The following THSD4 variants were observed in gnomAD, a reference collection of about 807,000 sequenced individuals.
THSD4 encodes thrombospondin type 1 domain containing 4, also known as thrombospondin type-1 domain-containing protein 4.
Under a neutral mutation model 119.0 loss-of-function variants are expected in THSD4, and 69 were observed. The observed-to-expected ratio is 0.58, with a 90% confidence interval of 0.48 to 0.71. THSD4 has a LOEUF of 0.71. Ranked by LOEUF, THSD4 falls within the 30% of genes least tolerant of loss-of-function variation. THSD4 has a pLI of 0.00. For synonymous variants in THSD4, 524 were observed against 540.4 expected (o/e 0.97, Z 0.42); for missense variants, 1,393 against 1,391.1 (o/e 1.00, Z -0.02).
intron 7 of THSD4, among the ~76,000 whole-genome samples, chr15:71,599,627 G>A (rs186249099): frequency 5.9e-5 from 9 of 152,308 alleles, no homozygotes; most frequent in African/African-American, 1.7e-4. Context: ...CATCAAGCCC[G>A]TGGTATGTGC....
At chr15:71,482,978 C>T (rs2047756843) in intron 7 of THSD4, among the ~76,000 whole-genome samples, 1 of 152,156 alleles carries the variant, frequency 6.6e-6, no homozygotes, top group Admixed American at 6.5e-5. Flanking sequence ...TTGGCCAGAA[C>T]CATTGCCATG....
In THSD4 at chr15:71,771,194, G is replaced by C; in HGVS notation, c.2900G>C (p.Cys967Ser). 6.2e-7 allele frequency: 1 copy of C among 1,613,758 alleles called. No individual in the cohort carries two copies. The highest frequency in any genetic ancestry group is 8.5e-7 in the Non-Finnish European group (1 of 1,179,926). The change falls in exon 17 of 18, where the codon TGT becomes TCT. Residue 967 changes from cysteine (C) to serine (S), a missense_variant. Coordinates refer to ENST00000261862, the MANE Select transcript of THSD4 (RefSeq NM_024817.3). ...EERESCNPQD[C>S]VPEVDENCKD... ...AGAGAATCTTGTAACCCTCAGGACT[G>C]TGTCCCTGAAGTTGGTAAGTAGAGA...
intron 7 of THSD4, among the ~76,000 whole-genome samples, chr15:71,451,253 G>C (rs1173477668): frequency 6.6e-6 from 1 of 152,168 alleles, no homozygotes; most frequent in Admixed American, 6.5e-5. Context: ...ACTGTATGGT[G>C]AATAAAGTAA....
chr15:71,734,631 G>A (rs546069055), intron 10 of THSD4, among the ~76,000 whole-genome samples: 11 of 152,158 alleles, frequency 7.2e-5, no homozygotes, highest in Middle Eastern at 3.4e-3. Flanking sequence ...GTGAACCCTC[G>A]TATGGACTAT....
intron 7 of THSD4, among the ~76,000 whole-genome samples, chr15:71,655,011 C>T (rs2051161668): frequency 6.6e-6 from 1 of 152,216 alleles, no homozygotes; most frequent in Non-Finnish European, 1.5e-5. Context: ...CAGGAAATTT[C>T]ATTCAGGTTA....
At chr15:71,136,086 G>T (rs540294975) in intron 1 of THSD4, among the ~76,000 whole-genome samples, 1 of 144,564 alleles carries the variant, frequency 6.9e-6, no homozygotes, top group African/African-American at 2.6e-5. Context: ...TTATCCAGGT[G>T]CTGGTTCCCT....
chr15:71,704,773 C>T (rs776293742), intron 8 of THSD4, among the ~76,000 whole-genome samples: 1 of 152,128 alleles, frequency 6.6e-6, no homozygotes, highest in Non-Finnish European at 1.5e-5. Context: ...TATGACAGAC[C>T]AGGGAGAAGC....
At chr15:71,256,187 G>C (rs2044314150) in intron 5 of THSD4, among the ~76,000 whole-genome samples, 1 of 152,050 alleles carries the variant, frequency 6.6e-6, no homozygotes, top group African/African-American at 2.4e-5. Context: ...TTTAAAGTTG[G>C]AAAGGGGCCC....
intron 4 of THSD4, among the ~76,000 whole-genome samples, chr15:71,240,628 C>T (rs1308501296): frequency 6.6e-6 from 1 of 152,126 alleles, no homozygotes; most frequent in Non-Finnish European, 1.5e-5. Context: ...CTAGGGTCTC[C>T]ATTCAGTACT....
intron 6 of THSD4, among the ~76,000 whole-genome samples, chr15:71,384,552 T>C (rs1170219791): frequency 1.3e-5 from 2 of 152,210 alleles, no homozygotes; most frequent in South Asian, 2.1e-4. Flanking sequence ...GGTTAGCAGA[T>C]TCAATTTTTC....
Position 71,556,764 on chromosome 15 carries a change from T to TA in THSD4, c.1153-103751dup, listed in dbSNP as rs61509514. On this transcript the variant is annotated intron_variant, in intron 7 of 17. Coordinates refer to ENST00000261862, the MANE Select transcript of THSD4 (RefSeq NM_024817.3). ...TGGGTGGCAGAGTAAGACCCTGTCT[T>TA]AAAAAAAAAAAAAAAGTACAACTGA... Among the ~76,000 whole-genome samples, 1,184 of 138,558 alleles carry TA rather than the reference T, an allele frequency of 8.5e-3. 15 individuals carry two copies. The highest frequency in any genetic ancestry group is 0.023 in the African/African-American group (856 of 37,570). The allele number at this position is 138,558 out of a possible 152,430, so 90.9% of individuals were successfully genotyped here.
chr15:71,394,885 A>G (rs533774930), intron 6 of THSD4, among the ~76,000 whole-genome samples: 1 of 152,310 alleles, frequency 6.6e-6, no homozygotes, highest in South Asian at 2.1e-4. Flanking sequence ...ACCCGCTTCT[A>G]CTCAGCACTA....
intron 6 of THSD4, among the ~76,000 whole-genome samples, chr15:71,388,931 A>G (rs1194728845): frequency 6.6e-6 from 1 of 152,104 alleles, no homozygotes; most frequent in Admixed American, 6.5e-5. Context: ...GTTCCCCCAT[A>G]CTGTTCTCAT....
intron 8 of THSD4, among the ~76,000 whole-genome samples, chr15:71,720,097 C>G (rs2052692770): frequency 7.5e-6 from 1 of 134,140 alleles, no homozygotes; most frequent in South Asian, 2.5e-4. Flanking sequence ...CACTCTCAGG[C>G]TGGAGCGCAG....
At chr15:71,509,490 A>G (rs1187550358) in intron 7 of THSD4, among the ~76,000 whole-genome samples, 7 of 152,182 alleles carry the variant, frequency 4.6e-5, no homozygotes, top group Admixed American at 4.6e-4. Context: ...AGTAAAATCA[A>G]CCCCCAGGCC....
At chr15:71,608,788 A>G (rs1567060593) in intron 7 of THSD4, among the ~76,000 whole-genome samples, 1 of 152,212 alleles carries the variant, frequency 6.6e-6, no homozygotes, top group African/African-American at 2.4e-5. Flanking sequence ...AAAATTTGCT[A>G]TCACTTAATC....
At chr15:71,115,006 A>G (rs2040343557), upstream of THSD4, 1 of 152,222 alleles carries the variant, frequency 6.6e-6, no homozygotes, top group Non-Finnish European at 1.5e-5. The surrounding 1 kb of genome is among the most constrained non-coding windows in gnomAD (Gnocchi z 4.4). Flanking sequence ...TTACAGCACC[A>G]CTTGCCTCGC....
At chr15:71,353,774 A>G (rs576721869) in intron 6 of THSD4, among the ~76,000 whole-genome samples, 1 of 152,354 alleles carries the variant, frequency 6.6e-6, no homozygotes, top group African/African-American at 2.4e-5. Context: ...TTGCATGGGA[A>G]GCATGGACTT....
At chr15:71,640,010 C>CT (rs1374529707) in intron 7 of THSD4, among the ~76,000 whole-genome samples, 1 of 152,092 alleles carries the variant, frequency 6.6e-6, no homozygotes, top group Non-Finnish European at 1.5e-5. Flanking sequence ...AGAAATTGTA[C>CT]TGCTCATTAG....
Sources: gnomAD v4.1 joint callset for allele counts (sites outside exome capture counted in the v4.1 genomes callset) on GRCh38, gnomAD v4.1.1 for gene constraint, Gnocchi (gnomAD v3.1) non-coding constraint, MANE v1.5 for transcripts, NCBI Gene and HGNC (gene_info 2026-07-23, HGNC 2026-07-21) for gene names.